NIPSNAP3A: variants seen among roughly 807,000 people sequenced by gnomAD.
NIPSNAP3A encodes protein NipSnap homolog 3A.
NIPSNAP3A carries 27 observed loss-of-function variants against 32.3 expected under a neutral mutation model. That is an observed-to-expected ratio of 0.84 (90% confidence interval 0.62 to 1.15). The LOEUF (loss-of-function observed/expected upper bound fraction) is 1.15. Ranked by LOEUF, NIPSNAP3A falls within the 50% of genes most tolerant of loss-of-function variation. The pLI, the probability that NIPSNAP3A is intolerant of heterozygous loss-of-function variation, is 0.00. For missense variants in NIPSNAP3A, 278 were observed against 297.2 expected (o/e 0.94, Z 0.48); for synonymous variants, 108 against 107.3 (o/e 1.01, Z -0.04).
intron 3 of NIPSNAP3A, 133 bp downstream of exon 3, chr9:104,753,197 TGTG>T (rs1827867459): frequency 1.3e-6 from 1 of 759,024 alleles, no homozygotes; most frequent in Non-Finnish European, 2.2e-6. Context: ...CAGTGATTGT[TGTG>T]GTAAAAATAA....
intron 4 of NIPSNAP3A, among the ~76,000 whole-genome samples, chr9:104,758,080 C>T (rs1037738151): frequency 1.3e-5 from 2 of 151,822 alleles, no homozygotes; most frequent in Non-Finnish European, 2.9e-5. Flanking sequence ...TGTACAAGAA[C>T]AACATTTATT....
intron 4 of NIPSNAP3A, among the ~76,000 whole-genome samples, chr9:104,755,347 G>T (rs1436501353): frequency 6.7e-6 from 1 of 148,440 alleles, no homozygotes; most frequent in African/African-American, 2.5e-5. Flanking sequence ...TATTATTTGG[G>T]GTAGGGAGAT....
At chr9:104,754,968 C>T (rs559380869) in intron 4 of NIPSNAP3A, among the ~76,000 whole-genome samples, 13 of 152,144 alleles carry the variant, frequency 8.5e-5, no homozygotes, top group South Asian at 4.2e-4. Flanking sequence ...CGGCTGGGCA[C>T]GGTAGCTCAG....
intron 1 of NIPSNAP3A, among the ~76,000 whole-genome samples, chr9:104,749,352 A>G (rs981721155): frequency 1.3e-5 from 2 of 152,242 alleles, no homozygotes; most frequent in African/African-American, 4.8e-5. Flanking sequence ...CAATAAGAAT[A>G]TAAGTCACAC....
rs180715395 is a variant in NIPSNAP3A, at chr9:104,751,021, T to C, written c.126T>C (p.Tyr42=). 9 of 1,614,054 alleles carry C rather than the reference T, an allele frequency of 5.6e-6. No homozygotes were observed. The East Asian group carries it at 8.9e-5, about 16-fold the overall frequency. ...GAATATTCTATGAATTTCGTTCTTA[T>C]TACCTTAAGCCCTCAAAGATGAATG... ...YDGIFYEFRS[Y]YLKPSKMNEF... Residue 42 remains tyrosine (Y), a synonymous_variant, in exon 2 of 6, where the codon TAT becomes TAC. Transcript: ENST00000374767.
At chr9:104,755,519 A>C (rs1340380563) in intron 4 of NIPSNAP3A, among the ~76,000 whole-genome samples, 1 of 152,078 alleles carries the variant, frequency 6.6e-6, no homozygotes, top group Non-Finnish European at 1.5e-5. Flanking sequence ...AAATTTATTT[A>C]ATAAAACACA....
At chr9:104,753,933 C>T (rs143696895) in intron 3 of NIPSNAP3A, 1 of 152,360 alleles carries the variant, frequency 6.6e-6, no homozygotes, top group African/African-American at 2.4e-5. Flanking sequence ...CCCAGAGTTT[C>T]TTTCTCTCCA....
At chr9:104,755,602 A>T (rs189381719) in intron 4 of NIPSNAP3A, among the ~76,000 whole-genome samples, 64 of 152,318 alleles carry the variant, frequency 4.2e-4, no homozygotes, top group Middle Eastern at 6.8e-3. Flanking sequence ...TGGCAAATTC[A>T]GAAAAACATT....
At chr9:104,752,871 A>T (rs992483564) in intron 2 of NIPSNAP3A, 35 bp from the exon 3 acceptor site, 10 of 1,580,142 alleles carry the variant, frequency 6.3e-6, no homozygotes, top group Non-Finnish European at 7.8e-6. Context: ...TTAAAATTGA[A>T]TTTTTTATTT....
chr9:104,749,013 C>T (rs961671517), intron 1 of NIPSNAP3A, among the ~76,000 whole-genome samples: 1 of 152,270 alleles, frequency 6.6e-6, no homozygotes, highest in South Asian at 2.1e-4. Context: ...TTCTCTGGCA[C>T]CACCTGTCCA....
rs1164262328 is a variant in NIPSNAP3A, at chr9:104,759,476, G to A, written c.*138G>A. The stretch of plus-strand genomic sequence containing the variant: ...TTTGCTATGTTTCTTGCATTATGAA[G>A]GCTACATCTGTGCTTTGTAAGTACC... On this transcript the variant is annotated 3_prime_UTR_variant, in exon 6 of 6. Coordinates refer to ENST00000374767, the MANE Select transcript of NIPSNAP3A (RefSeq NM_015469.3). The A allele has an allele frequency of 8.8e-6, 7 of 793,882 alleles. No individual in the cohort carries two copies. The highest frequency in any genetic ancestry group is 1.2e-5 in the Non-Finnish European group (6 of 487,104). The allele number at this position is 793,882 out of a possible 1,614,324, so 49.2% of individuals were successfully genotyped here.
intron 1 of NIPSNAP3A, 57 bp downstream of exon 1, chr9:104,747,909 G>T (rs1827795549): frequency 9.6e-7 from 1 of 1,042,470 alleles, no homozygotes; most frequent in South Asian, 1.5e-5. Context: ...GGGCGGGGCG[G>T]GGAGTGTTCC....
chr9:104,752,520 C>T (rs1197082976), intron 2 of NIPSNAP3A, among the ~76,000 whole-genome samples: 3 of 152,120 alleles, frequency 2.0e-5, no homozygotes, highest in East Asian at 1.9e-4. Flanking sequence ...TTAACTAGTG[C>T]CAACCGCTAT....
intron 4 of NIPSNAP3A, among the ~76,000 whole-genome samples, chr9:104,758,423 A>G (rs1448445321): frequency 6.6e-6 from 1 of 152,150 alleles, no homozygotes; most frequent in African/African-American, 2.4e-5. Flanking sequence ...ATTTGCTCAT[A>G]ATTTTGCTTT....
At chr9:104,750,195 T>C (rs966297156) in intron 1 of NIPSNAP3A, among the ~76,000 whole-genome samples, 2 of 152,228 alleles carry the variant, frequency 1.3e-5, no homozygotes, top group African/African-American at 4.8e-5. Context: ...ACACGTATGC[T>C]CTTGACTAAA....
At chr9:104,758,429 G>A (rs572504620) in intron 4 of NIPSNAP3A, among the ~76,000 whole-genome samples, 183 of 152,022 alleles carry the variant, frequency 1.2e-3, no homozygotes, top group African/African-American at 4.2e-3. Flanking sequence ...TCATAATTTT[G>A]CTTTTTTAAA....
chr9:104,757,324 A>C (rs1827917988), intron 4 of NIPSNAP3A, among the ~76,000 whole-genome samples: 2 of 152,274 alleles, frequency 1.3e-5, no homozygotes, highest in East Asian at 3.9e-4. Flanking sequence ...TATATTAAGG[A>C]AATAATCAGA....
intron 1 of NIPSNAP3A, 76 bp downstream of exon 1, chr9:104,747,928 G>A: frequency 7.2e-7 from 1 of 1,386,458 alleles, no homozygotes; most frequent in Non-Finnish European, 9.9e-7. Context: ...CCGGGTACGT[G>A]CGAGCAATGC....
At chr9:104,753,165 C>T in intron 3 of NIPSNAP3A, 101 bp downstream of exon 3, 1 of 966,598 alleles carries the variant, frequency 1.0e-6, no homozygotes, top group Non-Finnish European at 1.6e-6. Flanking sequence ...AAAATTAATT[C>T]TTTGTTTTAT....
Sources: allele counts gnomAD v4.1 joint callset (sites outside exome capture counted in the v4.1 genomes callset), GRCh38; gene constraint gnomAD v4.1.1; transcripts MANE v1.5; gene names NCBI Gene and HGNC (gene_info 2026-07-23, HGNC 2026-07-21).